Variants in DACH1 observed in about 807,000 individuals in gnomAD.
The protein encoded by DACH1 is dachshund family transcription factor 1.
Under a neutral mutation model 54.2 loss-of-function variants are expected in DACH1, and 12 were observed. The ratio of observed to expected loss-of-function variants is 0.22; its 90% CI spans 0.14 to 0.36. The LOEUF is 0.36. Among genes scored for constraint, DACH1 ranks in the 10% least tolerant of loss-of-function variants. DACH1 has a pLI of 1.00. For missense variants in DACH1, 805 were observed against 929.8 expected (o/e 0.87, Z 1.75); for synonymous variants, 386 against 366.2 (o/e 1.05, Z -0.62).
intron 6 of DACH1, among the ~76,000 whole-genome samples, chr13:71,541,255 C>T (rs1050178398): frequency 6.6e-6 from 1 of 151,922 alleles, no homozygotes; most frequent in African/African-American, 2.4e-5. Flanking sequence ...TAACCAACAC[C>T]AAAGAAATAT....
intron 10 of DACH1, among the ~76,000 whole-genome samples, chr13:71,461,095 C>T (rs1201903671): frequency 6.6e-6 from 1 of 152,012 alleles, no homozygotes; most frequent in East Asian, 1.9e-4. Context: ...AAGGCATCTT[C>T]TGCAATTTCT....
chr13:71,865,899 G>T, intron 1 of DACH1, 23 bp downstream of exon 1: 2 of 1,559,792 alleles, frequency 1.3e-6, no homozygotes, highest in South Asian at 1.2e-5. Flanking sequence ...CGCGGGCGGC[G>T]GGGGCTATCC....
intron 6 of DACH1, among the ~76,000 whole-genome samples, chr13:71,496,295 A>ATT (rs1879420427): frequency 7.6e-6 from 1 of 131,490 alleles, no homozygotes; most frequent in African/African-American, 2.9e-5. Flanking sequence ...ATATATATAT[A>ATT]TATATATATA....
intron 6 of DACH1, among the ~76,000 whole-genome samples, chr13:71,554,799 C>T (rs1884132957): frequency 6.6e-6 from 1 of 152,034 alleles, no homozygotes; most frequent in Admixed American, 6.6e-5. Context: ...GATCATCAAC[C>T]TAGTATATTA....
intron 5 of DACH1, among the ~76,000 whole-genome samples, chr13:71,558,349 A>G: frequency 6.6e-6 from 1 of 152,034 alleles, no homozygotes; most frequent in East Asian, 1.9e-4. Context: ...ATATATATGT[A>G]TGTGTGTGGA....
chr13:71,562,980 A>G (rs1432563299), intron 4 of DACH1, among the ~76,000 whole-genome samples: 1 of 152,050 alleles, frequency 6.6e-6, no homozygotes, highest in Non-Finnish European at 1.5e-5. Flanking sequence ...GTATAAATAT[A>G]TCAAGAAACA....
intron 1 of DACH1, among the ~76,000 whole-genome samples, chr13:71,747,957 A>C (rs1478314035): frequency 6.6e-6 from 1 of 152,194 alleles, no homozygotes; most frequent in African/African-American, 2.4e-5. Flanking sequence ...TGAACTTGAC[A>C]GGCAAATAAA....
At chr13:71,742,603 A>G (rs1014175089) in intron 1 of DACH1, among the ~76,000 whole-genome samples, 5 of 152,198 alleles carry the variant, frequency 3.3e-5, no homozygotes, top group African/African-American at 1.2e-4. Context: ...AGAAGTGTCA[A>G]TGAAAAATAA....
intron 2 of DACH1, among the ~76,000 whole-genome samples, chr13:71,665,907 T>C (rs554233312): frequency 6.6e-6 from 1 of 152,242 alleles, no homozygotes; most frequent in Admixed American, 6.5e-5. Flanking sequence ...TGTACCTTAA[T>C]ACTCATCTGT....
chr13:71,442,180 C>A (rs1438747040), intron 10 of DACH1, among the ~76,000 whole-genome samples: 1 of 152,048 alleles, frequency 6.6e-6, no homozygotes, highest in Non-Finnish European at 1.5e-5. Flanking sequence ...ACTCCCTCCC[C>A]ACTCTCCTCA....
chr13:71,625,861 T>C (rs1370878052), intron 3 of DACH1, among the ~76,000 whole-genome samples: 1 of 151,966 alleles, frequency 6.6e-6, no homozygotes, highest in African/African-American at 2.4e-5. Context: ...GACTATGGTT[T>C]AAACAATGAG....
intron 3 of DACH1, among the ~76,000 whole-genome samples, chr13:71,616,311 A>G (rs1018820207): frequency 6.6e-6 from 1 of 152,172 alleles, no homozygotes; most frequent in African/African-American, 2.4e-5. Flanking sequence ...GAACAGCTGG[A>G]GGCATGAAGG....
At chr13:71,792,239 T>G (rs1322120836) in intron 1 of DACH1, among the ~76,000 whole-genome samples, 2 of 152,128 alleles carry the variant, frequency 1.3e-5, no homozygotes, top group Non-Finnish European at 1.5e-5. Context: ...AACTCTAGTT[T>G]GCAAAATGTG....
At chr13:71,633,337 G>A (rs1171628681) in intron 2 of DACH1, among the ~76,000 whole-genome samples, 1 of 152,030 alleles carries the variant, frequency 6.6e-6, no homozygotes, top group African/African-American at 2.4e-5. Context: ...TAAACATTAG[G>A]CATGCTATTC....
rs550934964 is a variant in DACH1 at position 71,586,445 on chromosome 13, G to A, written c.1127-13433C>T. ...TATTGGTGCAAAGTGTATATCACACGGCACTTCAAATAACTGTTATTAAAC... is the reference window on the plus strand; with the variant it reads ...TATTGGTGCAAAGTGTATATCACACAGCACTTCAAATAACTGTTATTAAAC... On this transcript the variant is annotated intron_variant, in intron 3 of 10. Coordinates refer to ENST00000613252, the MANE Select transcript of DACH1 (RefSeq NM_080759.6). 7.9e-5 allele frequency among the ~76,000 whole-genome samples: 12 copies of A among 152,042 alleles called. No homozygotes were observed. In the South Asian group the frequency reaches 1.0e-3, roughly 13 times the overall value.
chr13:71,781,401 C>T (rs527632695), intron 1 of DACH1, among the ~76,000 whole-genome samples: 14 of 144,210 alleles, frequency 9.7e-5, no homozygotes, highest in Non-Finnish European at 1.5e-4. Context: ...TTTTTTGAGA[C>T]GGAGTCTAGC....
At chr13:71,691,430 AT>A (rs1566435645) in intron 1 of DACH1, among the ~76,000 whole-genome samples, 1 of 152,228 alleles carries the variant, frequency 6.6e-6, no homozygotes, top group Admixed American at 6.5e-5. Context: ...TACAATCCTT[AT>A]TTTTTTGGTG....
intron 10 of DACH1, among the ~76,000 whole-genome samples, chr13:71,473,374 G>T (rs1015557673): frequency 1.3e-5 from 2 of 152,082 alleles, no homozygotes; most frequent in African/African-American, 4.8e-5. Context: ...TCCTCCACTG[G>T]TAAGATTCTG....
At chr13:71,582,191 G>A (rs1872900180) in intron 3 of DACH1, among the ~76,000 whole-genome samples, 1 of 152,068 alleles carries the variant, frequency 6.6e-6, no homozygotes, top group Non-Finnish European at 1.5e-5. Flanking sequence ...GCAAGAATAA[G>A]CAAATATTGG....
Sources: allele counts gnomAD v4.1 joint callset (sites outside exome capture counted in the v4.1 genomes callset), GRCh38; gene constraint gnomAD v4.1.1; transcripts MANE v1.5; gene names NCBI Gene and HGNC (gene_info 2026-07-23, HGNC 2026-07-21).